The following GPC5 variants were observed in gnomAD, a reference collection of about 807,000 sequenced individuals.
The protein encoded by GPC5 is glypican 5, also known as glypican-5.
GPC5 carries 47 observed loss-of-function variants against 53.9 expected under a neutral mutation model. The ratio of observed to expected loss-of-function variants is 0.87; its 90% CI spans 0.69 to 1.11. GPC5 has a LOEUF of 1.11. Ranked by LOEUF, GPC5 falls within the 50% of genes most tolerant of loss-of-function variation. The pLI is 0.00. For missense variants in GPC5, 748 were observed against 713.1 expected (o/e 1.05, Z -0.56); for synonymous variants, 286 against 263.3 (o/e 1.09, Z -0.84).
chr13:91,988,371 C>T (rs1161016305), intron 6 of GPC5, among the ~76,000 whole-genome samples: 11 of 152,082 alleles, frequency 7.2e-5, no homozygotes, highest in Non-Finnish European at 1.6e-4. Flanking sequence ...TCTAAAGATC[C>T]CTGCATATGG....
intron 7 of GPC5, among the ~76,000 whole-genome samples, chr13:92,513,814 A>G (rs1159968344): frequency 6.6e-6 from 1 of 152,170 alleles, no homozygotes; most frequent in African/African-American, 2.4e-5. Flanking sequence ...ATTTTATACC[A>G]TATTTTTAGT....
chr13:91,855,150 T>G (rs2038953901), intron 5 of GPC5, among the ~76,000 whole-genome samples: 1 of 151,766 alleles, frequency 6.6e-6, no homozygotes, highest in African/African-American at 2.4e-5. Flanking sequence ...ACTGTAAAAT[T>G]CGATAAAGAC....
chr13:91,591,141 CT>C (rs1171218042), intron 2 of GPC5, among the ~76,000 whole-genome samples: 1 of 152,164 alleles, frequency 6.6e-6, no homozygotes, highest in African/African-American at 2.4e-5. Context: ...GACACATGTT[CT>C]TTCGGTCAAC....
At chr13:92,366,070 C>T (rs973908972) in intron 7 of GPC5, among the ~76,000 whole-genome samples, 7 of 151,554 alleles carry the variant, frequency 4.6e-5, no homozygotes, top group African/African-American at 1.7e-4. Flanking sequence ...ACACCAGCAT[C>T]ACCACAAACA....
intron 7 of GPC5, among the ~76,000 whole-genome samples, chr13:92,161,032 CA>C (rs2041984023): frequency 1.1e-5 from 1 of 89,032 alleles, no homozygotes; most frequent in Non-Finnish European, 2.2e-5. Flanking sequence ...GTGGCTCGCT[CA>C]AAAGTGTTTT....
At chr13:92,741,164 G>GTGATTGTATCA (rs1889080838) in intron 7 of GPC5, among the ~76,000 whole-genome samples, 1 of 150,800 alleles carries the variant, frequency 6.6e-6, no homozygotes, top group African/African-American at 2.4e-5. Context: ...CCTTTAAGGG[G>GTGATTGTATCA]TGATTGTATC....
chr13:91,730,237 T>G (rs1241233192), intron 4 of GPC5, among the ~76,000 whole-genome samples: 1 of 152,228 alleles, frequency 6.6e-6, no homozygotes, highest in Non-Finnish European at 1.5e-5. Context: ...GTTGCTTATT[T>G]ATTGTACAGG....
rs187244482 is a variant in GPC5, at chr13:92,332,487, T to C, written c.1561+187498T>C. The stretch of plus-strand genomic sequence containing the variant: ...AATATAGCCTATGACAATTCACTTA[T>C]GTGGCTGCCTCAATCCTTAGTTTTC... On this transcript the variant is annotated intron_variant, in intron 7 of 7. Coordinates refer to ENST00000377067, the MANE Select transcript of GPC5 (RefSeq NM_004466.6). Among the ~76,000 whole-genome samples, 5 of 152,322 alleles carry C rather than the reference T, an allele frequency of 3.3e-5. No individual in the cohort carries two copies. In the East Asian group the frequency reaches 5.8e-4, roughly 18 times the overall value.
intron 2 of GPC5, among the ~76,000 whole-genome samples, chr13:91,558,004 A>G (rs1164747163): frequency 1.6e-4 from 24 of 152,134 alleles, no homozygotes; most frequent in Non-Finnish European, 1.5e-5. Flanking sequence ...CTGTTTTGAG[A>G]GAGTCTTAGC....
chr13:92,611,537 T>C (rs1414876611), intron 7 of GPC5, among the ~76,000 whole-genome samples: 4 of 152,198 alleles, frequency 2.6e-5, no homozygotes, highest in East Asian at 1.9e-4. Context: ...CAAAAATCTA[T>C]AGTTTTGTTG....
intron 7 of GPC5, among the ~76,000 whole-genome samples, chr13:92,738,450 A>T (rs1198749041): frequency 2.0e-5 from 3 of 152,056 alleles, no homozygotes; most frequent in Non-Finnish European, 4.4e-5. Context: ...CTTTGACTTC[A>T]GACACTATTT....
intron 2 of GPC5, among the ~76,000 whole-genome samples, chr13:91,466,601 A>G (rs2139162860): frequency 6.6e-6 from 1 of 152,272 alleles, no homozygotes; most frequent in African/African-American, 2.4e-5. Context: ...AATATATTTT[A>G]ATAGTCTGGG....
intron 7 of GPC5, among the ~76,000 whole-genome samples, chr13:92,773,867 G>T (rs142600847): frequency 2.1e-3 from 321 of 152,310 alleles, no homozygotes; most frequent in African/African-American, 7.2e-3. Flanking sequence ...GAAGTTTAAT[G>T]AACTCACAGT....
chr13:91,818,874 G>A (rs1170153719), intron 5 of GPC5, among the ~76,000 whole-genome samples: 1 of 152,100 alleles, frequency 6.6e-6, no homozygotes, highest in Non-Finnish European at 1.5e-5. Context: ...CTCATGTGTT[G>A]GAGCTAACTC....
At chr13:92,857,364 C>T (rs1342885527) in intron 7 of GPC5, among the ~76,000 whole-genome samples, 1 of 152,004 alleles carries the variant, frequency 6.6e-6, no homozygotes, top group Non-Finnish European at 1.5e-5. Context: ...GTATAAAAAT[C>T]CCAGAAGAAA....
intron 7 of GPC5, among the ~76,000 whole-genome samples, chr13:92,315,309 G>C (rs961584210): frequency 1.3e-5 from 2 of 152,084 alleles, no homozygotes; most frequent in African/African-American, 2.4e-5. Flanking sequence ...ATTCGGGTAG[G>C]ATAAATTGGG....
At chr13:92,126,564 C>T (rs770932627) in intron 6 of GPC5, among the ~76,000 whole-genome samples, 14 of 152,094 alleles carry the variant, frequency 9.2e-5, no homozygotes, top group Non-Finnish European at 1.9e-4. Context: ...GCAGCTTATA[C>T]GTGTAAACAA....
At chr13:92,639,919 C>T (rs1462826967) in intron 7 of GPC5, among the ~76,000 whole-genome samples, 3 of 152,100 alleles carry the variant, frequency 2.0e-5, no homozygotes, top group African/African-American at 4.8e-5. Context: ...GCAACCACTC[C>T]TACTCACTGC....
At chr13:91,830,787 ATAC>A (rs1411574248) in intron 5 of GPC5, among the ~76,000 whole-genome samples, 3 of 115,558 alleles carry the variant, frequency 2.6e-5, no homozygotes, top group Non-Finnish European at 5.5e-5. Flanking sequence ...AAATATATAT[ATAC>A]TATTATATAT....
Sources: gnomAD v4.1 joint callset for allele counts (sites outside exome capture counted in the v4.1 genomes callset) on GRCh38, gnomAD v4.1.1 for gene constraint, MANE v1.5 for transcripts, NCBI Gene and HGNC (gene_info 2026-07-23, HGNC 2026-07-21) for gene names.